Variants in TDRD9 observed in about 807,000 individuals in gnomAD.
TDRD9 encodes tudor domain containing 9.
A neutral mutation model predicts 172.6 loss-of-function variants in TDRD9; 124 were observed. The observed-to-expected ratio is 0.72, with a 90% CI of 0.62 to 0.83. The LOEUF is 0.83. Ranked by LOEUF, TDRD9 falls within the 40% of genes least tolerant of loss-of-function variation. TDRD9 has a pLI of 0.00. For missense variants in TDRD9, 1,479 were observed against 1,714.1 expected (o/e 0.86, Z 2.42); for synonymous variants, 619 against 617.1 (o/e 1.00, Z -0.05).
chr14:104,047,007 G>T (rs2035800939), intron 34 of TDRD9, among the ~76,000 whole-genome samples: 1 of 152,008 alleles, frequency 6.6e-6, no homozygotes, highest in Non-Finnish European at 1.5e-5. Flanking sequence ...CAAATTTTTG[G>T]ATCAGCTTGT....
intron 23 of TDRD9, among the ~76,000 whole-genome samples, chr14:104,020,007 A>G: frequency 6.6e-6 from 1 of 152,206 alleles, no homozygotes; most frequent in Non-Finnish European, 1.5e-5. Context: ...AGCAGGAGGC[A>G]GTCATTAGCT....
intron 34 of TDRD9, among the ~76,000 whole-genome samples, chr14:104,047,659 G>A (rs578093949): frequency 9.2e-5 from 14 of 152,288 alleles, no homozygotes; most frequent in Non-Finnish European, 1.8e-4. Flanking sequence ...TGACACGGTC[G>A]ATACGGCCTC....
At chr14:104,012,563 T>G (rs991125663) in intron 20 of TDRD9, among the ~76,000 whole-genome samples, 4 of 151,984 alleles carry the variant, frequency 2.6e-5, no homozygotes, top group South Asian at 2.1e-4. Flanking sequence ...TTTAGTTTAC[T>G]TCAGTCTTTC....
At chr14:103,933,302 C>T (rs184954577) in intron 1 of TDRD9, among the ~76,000 whole-genome samples, 55 of 152,334 alleles carry the variant, frequency 3.6e-4, no homozygotes, top group African/African-American at 1.3e-3. Context: ...GGGAGCCTTG[C>T]GTCACTCCCA....
chr14:104,006,022 T>TCAA (rs1379514568), intron 15 of TDRD9, among the ~76,000 whole-genome samples: 1 of 152,142 alleles, frequency 6.6e-6, no homozygotes, highest in African/African-American at 2.4e-5. Flanking sequence ...ATACACTGTG[T>TCAA]CAAGTTAAGG....
At chr14:104,018,616 T>A (rs2034863237) in intron 23 of TDRD9, among the ~76,000 whole-genome samples, 2 of 152,236 alleles carry the variant, frequency 1.3e-5, no homozygotes, top group Admixed American at 1.3e-4. Context: ...GTTTTGAATA[T>A]TTTTGGAAGG....
chr14:104,044,974 C>G (rs2035722767), intron 34 of TDRD9, among the ~76,000 whole-genome samples: 6 of 152,168 alleles, frequency 3.9e-5, no homozygotes, highest in Admixed American at 3.9e-4. Flanking sequence ...AAAACCCTGT[C>G]TCTACTAAAA....
At chr14:104,005,214 G>C in intron 14 of TDRD9, 60 bp from the exon 15 acceptor site, 1 of 1,578,644 alleles carries the variant, frequency 6.3e-7, no homozygotes, top group Non-Finnish European at 8.7e-7. Flanking sequence ...CTGGTTATGT[G>C]AATCGGCTAA....
At chr14:103,957,379 A>G (rs2032297861) in intron 2 of TDRD9, among the ~76,000 whole-genome samples, 1 of 152,198 alleles carries the variant, frequency 6.6e-6, no homozygotes, top group South Asian at 2.1e-4. Flanking sequence ...TATTTCATCT[A>G]ACATCTTTAG....
intron 7 of TDRD9, among the ~76,000 whole-genome samples, chr14:103,982,897 G>A (rs1384672614): frequency 3.3e-5 from 5 of 152,010 alleles, no homozygotes; most frequent in Non-Finnish European, 2.9e-5. Context: ...GCGAAACTCC[G>A]TTTCAAAAAA....
chr14:103,941,373 C>A, intron 1 of TDRD9: 1 of 1,497,782 alleles, frequency 6.7e-7, no homozygotes, highest in South Asian at 1.2e-5. Flanking sequence ...TAGCAGGAAT[C>A]ATAAGAGAAC....
At chr14:103,935,598 TG>T (rs2152115877) in intron 1 of TDRD9, among the ~76,000 whole-genome samples, 1 of 152,328 alleles carries the variant, frequency 6.6e-6, no homozygotes, top group Non-Finnish European at 1.5e-5. Context: ...AGCTAGACAC[TG>T]GGAAGTTTAA....
chr14:103,968,859 G>C (rs1310575340), intron 5 of TDRD9, among the ~76,000 whole-genome samples: 2 of 147,856 alleles, frequency 1.4e-5, no homozygotes, highest in Admixed American at 1.4e-4. Flanking sequence ...TCAGCACTTT[G>C]GGAGGCCGAG....
At chr14:103,965,263 C>T in intron 3 of TDRD9, 70 bp from the exon 4 acceptor site, 1 of 1,368,942 alleles carries the variant, frequency 7.3e-7, no homozygotes. Flanking sequence ...TCCTGAAAGA[C>T]TTCTTAATAT....
intron 1 of TDRD9, among the ~76,000 whole-genome samples, chr14:103,929,337 C>T (rs539417936): frequency 6.6e-6 from 1 of 152,288 alleles, no homozygotes; most frequent in African/African-American, 2.4e-5. Context: ...TGGAATCACA[C>T]AGTATGTGTA....
chr14:103,988,698 T>C (rs1377926066), intron 8 of TDRD9, among the ~76,000 whole-genome samples: 1 of 150,216 alleles, frequency 6.7e-6, no homozygotes, highest in East Asian at 1.9e-4. Flanking sequence ...ATTTTACTTT[T>C]TTTTTTTTTT....
intron 2 of TDRD9, among the ~76,000 whole-genome samples, chr14:103,956,661 C>CT (rs67617196): frequency 1.2e-3 from 171 of 145,152 alleles, no homozygotes; most frequent in African/African-American, 2.3e-3. Context: ...ATTAAAACTA[C>CT]TTTTTTTTTT....
At chr14:103,976,353 A>G (rs2033242326) in intron 7 of TDRD9, among the ~76,000 whole-genome samples, 1 of 151,384 alleles carries the variant, frequency 6.6e-6, no homozygotes, top group Admixed American at 6.6e-5. Flanking sequence ...AGCTCACTGC[A>G]AGCTCTGCCT....
rs748202595 is a variant in TDRD9 at position 104,026,675 on chromosome 14, G to A, written c.3022-4G>A. ...GTTTGAGCTGTGCCCTTCTGTCCTT[G>A]TAGGCTTTGGAATTTAAGATTTGCA... On this transcript the variant is annotated splice_region_variant and splice_polypyrimidine_tract_variant and intron_variant, in intron 27 of 35. Transcript: ENST00000409874. 9 of 1,613,870 alleles carry A rather than the reference G, an allele frequency of 5.6e-6. No homozygotes were observed. The Admixed American group carries it at 1.5e-4, about 27-fold the overall frequency.
Sources: allele counts gnomAD v4.1 joint callset (sites outside exome capture counted in the v4.1 genomes callset), GRCh38; gene constraint gnomAD v4.1.1; transcripts MANE v1.5; gene names NCBI Gene and HGNC (gene_info 2026-07-23, HGNC 2026-07-21).